The following EVC variants were observed in gnomAD, a reference collection of about 807,000 sequenced individuals.
EVC encodes EvC ciliary complex subunit 1, also known as evC complex member EVC.
EVC carries 116 observed loss-of-function variants against 118.9 expected under a neutral mutation model. That is an observed-to-expected ratio of 0.98 (90% CI 0.84 to 1.14). The LOEUF (loss-of-function observed/expected upper bound fraction) is 1.14. Ranked by LOEUF, EVC falls within the 50% of genes most tolerant of loss-of-function variation. EVC has a pLI of 0.00. For missense variants in EVC, 1,401 were observed against 1,246.4 expected (o/e 1.12, Z -1.87); for synonymous variants, 619 against 534.7 (o/e 1.16, Z -2.18).
rs760319292 is a variant in EVC, at chr4:5,719,299, C to T, written c.226C>T (p.Pro76Ser). Residue 76 changes from proline to serine, a missense_variant, in exon 2 of 21, where the codon CCC becomes TCC. Transcript: ENST00000264956. The surrounding 1 kb of genome is among the most constrained non-coding windows in gnomAD (Gnocchi z 4.7). Reference protein sequence around the residue: ...LKNLESNAQTPSETGSPSRRR... With the variant: ...LKNLESNAQTSSETGSPSRRR... ...GAATTTGGAGTCTAATGCGCAGACC[C>T]CCTCGGAAACTGGCTCCCCATCAAG... 6.2e-7 allele frequency: 1 copy of T among 1,614,114 alleles called. No homozygotes were observed. Among genetic ancestry groups the T allele is most frequent in the African/African-American group, 1.3e-5 (1 of 75,014 alleles).
At chr4:5,759,228 G>T (rs1312810790) in intron 11 of EVC, among the ~76,000 whole-genome samples, 2 of 151,642 alleles carry the variant, frequency 1.3e-5, no homozygotes, top group African/African-American at 4.9e-5. Context: ...TAAAATCAAA[G>T]TGCACCTGCC....
In EVC at chr4:5,789,810, C is replaced by T. The variant is rs769518492; in HGVS notation, c.1777-3798C>T. On this transcript the variant is annotated intron_variant, in intron 12 of 20. Coordinates refer to ENST00000264956, the MANE Select transcript of EVC (RefSeq NM_153717.3). The surrounding 1 kb of genome is among the most constrained non-coding windows in gnomAD (Gnocchi z 4.3). ...TATCGATCATCATCGAATCCTGTTG[C>T]TAGTTTAAGCTGCATTCTCAAAACA... Among the ~76,000 whole-genome samples, 2 of 152,174 alleles carry T rather than the reference C, an allele frequency of 1.3e-5. No individual in the cohort carries two copies. The highest frequency in any genetic ancestry group is 2.9e-5 in the Non-Finnish European group (2 of 68,020).
At chr4:5,712,708 A>G (rs1723242578) in intron 1 of EVC, among the ~76,000 whole-genome samples, 1 of 152,126 alleles carries the variant, frequency 6.6e-6, no homozygotes, top group South Asian at 2.1e-4. Context: ...CACCGCAAAG[A>G]GCTGATGAGG....
Position 5,719,475 on chromosome 4 carries a change from T to C in EVC, c.300+102T>C. ...GTAGACAAGCCTCTGACAGATATAG[T>C]TTCCCAATGGGCTGCTTTTCTGAGG... On this transcript the variant is annotated intron_variant, in intron 2 of 20. Transcript: ENST00000264956. The surrounding 1 kb of genome is among the most constrained non-coding windows in gnomAD (Gnocchi z 4.7). The C allele has an allele frequency of 6.4e-7, 1 of 1,559,242 alleles. No individual in the cohort carries two copies. The highest frequency in any genetic ancestry group is 1.1e-5 in the South Asian group (1 of 89,412).
In EVC at chr4:5,810,940, T is replaced by G; in HGVS notation, c.2895-13T>G. 1 of 1,608,954 alleles carries G rather than the reference T, an allele frequency of 6.2e-7. No individual in the cohort carries two copies. The highest frequency in any genetic ancestry group is 8.5e-7 in the Non-Finnish European group (1 of 1,177,610). Reference sequence around the variant, plus strand: ...CAGCGTTCTAACTGGCTGCCTTTCTTCTCTGTTTTAAGCAGCAAAAGGCTG... The same window carrying G: ...CAGCGTTCTAACTGGCTGCCTTTCTGCTCTGTTTTAAGCAGCAAAAGGCTG... On this transcript the variant is annotated splice_polypyrimidine_tract_variant and intron_variant, in intron 20 of 20. Coordinates refer to ENST00000264956, the MANE Select transcript of EVC (RefSeq NM_153717.3).
the EVC span, chr4:5,824,988 G>A: frequency 1.0e-6 from 1 of 985,294 alleles, no homozygotes; most frequent in African/African-American, 1.7e-5. Context: ...ATTTCTTGGG[G>A]CTTCCGTTTC....
the EVC span, chr4:5,821,548 A>T: frequency 2.3e-4 from 130 of 561,908 alleles, no homozygotes; most frequent in Non-Finnish European, 3.8e-4. This position sits in a 1 kb window ranked among gnomAD's most constrained non-coding sequence, Gnocchi z 4.4. Flanking sequence ...AGGTGGATTC[A>T]GCATGAACAC....
intron 6 of EVC, 112 bp from the exon 7 acceptor site, chr4:5,745,092 T>C: frequency 2.7e-6 from 3 of 1,115,242 alleles, no homozygotes; most frequent in Non-Finnish European, 3.9e-6. Flanking sequence ...TAACTATTGT[T>C]TAAAAATATT....
Position 5,783,076 on chromosome 4 carries a change from CTGTGCGTG to C in EVC, c.1564-463_1564-456del, listed in dbSNP as rs200000111. Among the ~76,000 whole-genome samples the C allele has an allele frequency of 7.1e-3, 1,084 of 151,866 alleles. 12 individuals carry two copies. The highest frequency in any genetic ancestry group is 0.024 in the African/African-American group (1,009 of 41,402). On this transcript the variant is annotated intron_variant, in intron 11 of 20. Transcript: ENST00000264956. ...CTAAGGTGACGGGTGCATCCCAAGG[CTGTGCGTG>C]TGTGCGTGTGTGTGTGTGTAGGAGT...
chr4:5,815,590 C>T (rs959428520), downstream of EVC, among the ~76,000 whole-genome samples: 4 of 152,174 alleles, frequency 2.6e-5, no homozygotes, highest in Non-Finnish European at 5.9e-5. Flanking sequence ...ATTTCTCCTC[C>T]TCCCCAGAGA....
At chr4:5,815,717 A>C (rs1453128839), downstream of EVC, among the ~76,000 whole-genome samples, 2 of 152,106 alleles carry the variant, frequency 1.3e-5, no homozygotes, top group Non-Finnish European at 2.9e-5. Flanking sequence ...TTCTCCCCTA[A>C]ATGTTTCCTC....
At chr4:5,772,411 T>A (rs1734124986) in intron 11 of EVC, among the ~76,000 whole-genome samples, 2 of 152,100 alleles carry the variant, frequency 1.3e-5, no homozygotes, top group African/African-American at 4.8e-5. Flanking sequence ...GCATACCTGC[T>A]GTGTGGCCTA....
the EVC span, chr4:5,825,315 G>T: frequency 2.0e-6 from 2 of 985,096 alleles, no homozygotes; most frequent in African/African-American, 3.5e-5. This position sits in a 1 kb window ranked among gnomAD's most constrained non-coding sequence, Gnocchi z 4.4. Context: ...CCCTCTGCTT[G>T]GTGACCATGC....
intron 17 of EVC, among the ~76,000 whole-genome samples, chr4:5,806,780 C>T (rs1447880322): frequency 1.3e-5 from 2 of 152,202 alleles, no homozygotes; most frequent in East Asian, 1.9e-4. Context: ...TCCATACAGG[C>T]TGCACTAATA....
At chr4:5,741,272 G>A (rs1470776411) in intron 5 of EVC, among the ~76,000 whole-genome samples, 4 of 152,210 alleles carry the variant, frequency 2.6e-5, no homozygotes, top group African/African-American at 9.6e-5. Flanking sequence ...GTTCTTCCTA[G>A]TTTAAAGGAC....
chr4:5,752,199 C>CA (rs1730483231), intron 8 of EVC, among the ~76,000 whole-genome samples: 1 of 152,060 alleles, frequency 6.6e-6, no homozygotes, highest in Non-Finnish European at 1.5e-5. Flanking sequence ...TCCTCCTTTC[C>CA]CCCTTACTCT....
At chr4:5,791,044 G>A (rs1446120761) in intron 12 of EVC, among the ~76,000 whole-genome samples, 3 of 150,078 alleles carry the variant, frequency 2.0e-5, no homozygotes, top group South Asian at 2.1e-4. Context: ...GCAGTGAGCC[G>A]AGATCTCACA....
intron 11 of EVC, among the ~76,000 whole-genome samples, chr4:5,769,155 TGGCTGGGGAG>T (rs1390040953): frequency 9.3e-5 from 5 of 53,934 alleles, no homozygotes; most frequent in Admixed American, 2.7e-4. Flanking sequence ...CAGTTCCACG[TGGCTGGGGAG>T]GCCTCACAGT....
chr4:5,783,850 C>G (rs1367539033), intron 12 of EVC, 86 bp downstream of exon 12: 8 of 1,236,926 alleles, frequency 6.5e-6, no homozygotes, highest in Non-Finnish European at 9.3e-6. Flanking sequence ...CCTGAACACC[C>G]ACTAGTGCCT....
Sources: allele counts gnomAD v4.1 joint callset (sites outside exome capture counted in the v4.1 genomes callset), GRCh38; gene constraint gnomAD v4.1.1; non-coding constraint Gnocchi (gnomAD v3.1); transcripts MANE v1.5; gene names NCBI Gene and HGNC (gene_info 2026-07-23, HGNC 2026-07-21).